LATS2: variants seen among roughly 807,000 people sequenced by gnomAD.
LATS2 encodes large tumor suppressor kinase 2.
Under a neutral mutation model 76.0 loss-of-function variants are expected in LATS2, and 24 were observed. The observed-to-expected ratio is 0.32, with a 90% CI of 0.23 to 0.44. The LOEUF is 0.44. Ranked by LOEUF, LATS2 falls within the 20% of genes least tolerant of loss-of-function variation. The pLI is 1.00. For synonymous variants in LATS2, 692 were observed against 635.4 expected, an observed-to-expected ratio of 1.09 and a Z score of -1.34; for missense variants, 1,286 against 1,481.2, an observed-to-expected ratio of 0.87 and a Z score of 2.16.
chr13:21,032,494 T>C (rs912299674), intron 2 of LATS2, among the ~76,000 whole-genome samples: 4 of 152,202 alleles, frequency 2.6e-5, no homozygotes, highest in African/African-American at 7.2e-5. Context: ...CTGGAACTCC[T>C]GGCCTCAAGC....
rs150350694 is a variant in LATS2 at position 21,000,123 on chromosome 13, T to C, written c.343-8719A>G. 9.6e-3 allele frequency among the ~76,000 whole-genome samples: 1,465 copies of C among 152,342 alleles called. 36 individuals carry two copies. Among genetic ancestry groups the C allele is most frequent in the African/African-American group, 0.033 (1,385 of 41,576 alleles). ...TAGGCCGGGCGTGGTGGCTCACGCC[T>C]GTAATCCCAACACTTTGGGAAGCCG... is the stretch of plus-strand genomic sequence containing the variant. On this transcript the variant is annotated intron_variant, in intron 2 of 7. Coordinates refer to ENST00000382592, the MANE Select transcript of LATS2 (RefSeq NM_014572.3).
intron 2 of LATS2, among the ~76,000 whole-genome samples, chr13:21,031,458 A>T (rs1307308870): frequency 6.6e-6 from 1 of 152,158 alleles, no homozygotes; most frequent in Non-Finnish European, 1.5e-5. Context: ...TGCCGTACCT[A>T]ATGTTATGTT....
chr13:21,039,368 A>G (rs1872789395), intron 2 of LATS2, among the ~76,000 whole-genome samples: 1 of 152,218 alleles, frequency 6.6e-6, no homozygotes, highest in South Asian at 2.1e-4. Context: ...TATCTTTTTC[A>G]TTAGCAAAAT....
At chr13:21,054,215 TGGAGGCAG>T (rs1873373662) in intron 1 of LATS2, among the ~76,000 whole-genome samples, 1 of 152,014 alleles carries the variant, frequency 6.6e-6, no homozygotes, top group South Asian at 2.1e-4. Context: ...CTTTGGGAGC[TGGAGGCAG>T]GAAGGCAGGA....
chr13:21,059,598 AAAC>A lies in LATS2; in HGVS notation c.-205+1745_-205+1747del, dbSNP rs545362575. On this transcript the variant is annotated intron_variant, in intron 1 of 7. Coordinates refer to ENST00000382592, the MANE Select transcript of LATS2 (RefSeq NM_014572.3). The stretch of plus-strand genomic sequence containing the variant: ...CGACAGAGCAAGACAACGTCTCAAA[AAAC>A]AACAACAACAACAACAAAAAACACT... 2.5e-3 allele frequency among the ~76,000 whole-genome samples: 380 copies of A among 151,434 alleles called. 1 individual carries two copies. The highest frequency in any genetic ancestry group is 2.5e-3 in the Non-Finnish European group (169 of 67,822).
intron 7 of LATS2, among the ~76,000 whole-genome samples, chr13:20,975,935 T>G (rs1595206884): frequency 6.6e-6 from 1 of 152,282 alleles, no homozygotes; most frequent in African/African-American, 2.4e-5. Context: ...CAGCTAAAGT[T>G]ATTTCTTTAG....
chr13:21,032,801 A>G (rs531749775), intron 2 of LATS2, among the ~76,000 whole-genome samples: 3 of 152,310 alleles, frequency 2.0e-5, no homozygotes, highest in Admixed American at 2.0e-4. Context: ...GAAGGCCACA[A>G]GGATGGGTCG....
At chr13:20,992,778 T>C (rs535379664) in intron 2 of LATS2, among the ~76,000 whole-genome samples, 2 of 152,180 alleles carry the variant, frequency 1.3e-5, no homozygotes, top group East Asian at 1.9e-4. Context: ...GGCTCACGCC[T>C]GTAATCCCAG....
rs759518316 is a variant in LATS2, at chr13:21,045,748, G to A, written c.279C>T (p.Thr93=). The A allele has an allele frequency of 2.5e-6, 4 of 1,614,222 alleles. No individual in the cohort carries two copies. Among genetic ancestry groups the A allele is most frequent in the African/African-American group, 2.7e-5 (2 of 75,058 alleles). The change falls in exon 2 of 8, where the codon ACC becomes ACT. Residue 93 remains threonine, a synonymous_variant. Transcript: ENST00000382592. The stretch of plus-strand genomic sequence containing the variant: ...GCCGGTTCACTTCTGCAGCTGCAGA[G>A]GTGCCCGATTCATTAGCAAAAGGCA... ...SLLPFANESG[T]SAAAEVNRQM...
intron 1 of LATS2, among the ~76,000 whole-genome samples, chr13:21,057,229 G>A (rs1595261634): frequency 6.6e-6 from 1 of 152,196 alleles, no homozygotes; most frequent in Non-Finnish European, 1.5e-5. Flanking sequence ...AACAATCAGT[G>A]TTAACAAGAA....
In LATS2 at chr13:20,988,318, C is replaced by G. The variant is rs554795068; in HGVS notation, c.1462G>C (p.Glu488Gln). 2.6e-6 allele frequency: 4 copies of G among 1,526,352 alleles called. No homozygotes were observed. Among genetic ancestry groups the G allele is most frequent in the Non-Finnish European group, 3.5e-6 (4 of 1,149,040 alleles). 94.6% of individuals were successfully genotyped at this position (1,526,352 alleles called of 1,614,324 possible). A position where few individuals can be genotyped will look rare whatever the true frequency, so the allele number is the denominator to read the frequency against. ...APAAEGLDAK[E>Q]EHALALGGAG... ...CCGCCCAGCGCCAGGGCATGCTCCT[C>G]CTTGGCGTCCAAGCCCTCCGCAGCC... Residue 488 changes from glutamate to glutamine, a missense_variant, in exon 4 of 8, where the codon GAG becomes CAG. Around this residue, in one of 5 missense-constraint regions of LATS2, gnomAD observed 710 missense variants for 660.9 expected, o/e 1.07. Coordinates refer to ENST00000382592, the MANE Select transcript of LATS2 (RefSeq NM_014572.3).
intron 2 of LATS2, among the ~76,000 whole-genome samples, chr13:21,021,560 C>G (rs1872067028): frequency 6.8e-6 from 1 of 147,674 alleles, no homozygotes; most frequent in African/African-American, 2.5e-5. Context: ...AAAACAAAAC[C>G]CTTTGCCAAG....
chr13:20,998,695 G>A (rs924519040), intron 2 of LATS2, among the ~76,000 whole-genome samples: 3 of 152,248 alleles, frequency 2.0e-5, no homozygotes, highest in Non-Finnish European at 4.4e-5. Flanking sequence ...TGAGCGCGGC[G>A]CTCCCGGCGA....
chr13:21,039,775 A>C (rs958418620), intron 2 of LATS2, among the ~76,000 whole-genome samples: 2 of 152,226 alleles, frequency 1.3e-5, no homozygotes, highest in African/African-American at 4.8e-5. Context: ...CCTTGGGGTT[A>C]GAAATAAATT....
At chr13:21,019,692 G>A (rs1405862543) in intron 2 of LATS2, among the ~76,000 whole-genome samples, 5 of 145,240 alleles carry the variant, frequency 3.4e-5, no homozygotes, top group Non-Finnish European at 6.0e-5. Flanking sequence ...AAAAAAAGGC[G>A]GCTGGGCGTG....
chr13:20,981,509 C>T lies in LATS2; in HGVS notation c.2622G>A (p.Val874=). 1 of 1,614,128 alleles carries T rather than the reference C, an allele frequency of 6.2e-7. No homozygotes were observed. Among genetic ancestry groups the T allele is most frequent in the Admixed American group, 1.7e-5 (1 of 60,018 alleles). ...QHQRCLAHSL[V]GTPNYIAPEV... ...CGGGTGCGATGTAGTTTGGAGTCCC[C>T]ACCAGTGAATGTGCCAGGCACCTCT... The change falls in exon 6 of 8, where the codon GTG becomes GTA. Residue 874 remains valine (V), a synonymous_variant. Coordinates refer to ENST00000382592, the MANE Select transcript of LATS2 (RefSeq NM_014572.3).
intron 6 of LATS2, among the ~76,000 whole-genome samples, chr13:20,981,206 A>G (rs1233511603): frequency 6.6e-6 from 1 of 152,152 alleles, no homozygotes; most frequent in Non-Finnish European, 1.5e-5. Context: ...GGCTGGAGTC[A>G]TTCCCTTGGG....
chr13:21,002,806 G>A (rs1228510529), intron 2 of LATS2, among the ~76,000 whole-genome samples: 2 of 151,826 alleles, frequency 1.3e-5, no homozygotes, highest in African/African-American at 4.8e-5. Flanking sequence ...TTCCTGCCTC[G>A]GCCTCCCAAG....
intron 6 of LATS2, 146 bp downstream of exon 6, chr13:20,981,320 G>A: frequency 1.4e-6 from 1 of 699,344 alleles, no homozygotes; most frequent in East Asian, 2.7e-5. Flanking sequence ...CTTGTATGTT[G>A]CAGAAATTAG....
Sources: allele counts gnomAD v4.1 joint callset (sites outside exome capture counted in the v4.1 genomes callset), GRCh38; gene constraint gnomAD v4.1.1; regional missense constraint gnomAD v4.1.1; transcripts MANE v1.5; gene names NCBI Gene and HGNC (gene_info 2026-07-23, HGNC 2026-07-21).